The following CCDC7 variants were observed in gnomAD, a reference collection of about 807,000 sequenced individuals.
CCDC7 encodes the protein coiled-coil domain containing 7.
In CCDC7, 183 loss-of-function variants were observed where a neutral mutation model predicts 196.9. The ratio of observed to expected loss-of-function variants is 0.93; its 90% confidence interval spans 0.82 to 1.05. CCDC7 has a LOEUF of 1.05. Ranked by LOEUF, CCDC7 falls within the 50% of genes least tolerant of loss-of-function variation. The pLI, the probability that CCDC7 is intolerant of heterozygous loss-of-function variation, is 0.00. For missense variants in CCDC7, 1,540 were observed against 1,482.2 expected (o/e 1.04, Z -0.64); for synonymous variants, 525 against 484.6 (o/e 1.08, Z -1.10).
chr10:32,637,066 T>C (rs1276003034), intron 20 of CCDC7, among the ~76,000 whole-genome samples: 2 of 152,240 alleles, frequency 1.3e-5, no homozygotes, highest in Non-Finnish European at 2.9e-5. Context: ...GCCCACTTTT[T>C]GATGGGGTTG....
At chr10:32,744,371 G>C (rs1350725998) in intron 28 of CCDC7, among the ~76,000 whole-genome samples, 3 of 146,268 alleles carry the variant, frequency 2.1e-5, no homozygotes, top group Non-Finnish European at 4.5e-5. Flanking sequence ...TTTCCTGCTG[G>C]TGAAAAAAAA....
intron 28 of CCDC7, among the ~76,000 whole-genome samples, chr10:32,760,052 C>G (rs557550868): frequency 6.6e-6 from 1 of 150,878 alleles, no homozygotes; most frequent in East Asian, 1.9e-4. Context: ...GAGATACCAT[C>G]TCACACCAGT....
chr10:32,846,872 T>G (rs1565694174), intron 37 of CCDC7, among the ~76,000 whole-genome samples: 1 of 152,204 alleles, frequency 6.6e-6, no homozygotes, highest in African/African-American at 2.4e-5. Flanking sequence ...TTCCTTCTAT[T>G]TGATAAAAAT....
chr10:32,738,178 G>A (rs939766301), intron 28 of CCDC7, among the ~76,000 whole-genome samples: 3 of 151,812 alleles, frequency 2.0e-5, no homozygotes, highest in Non-Finnish European at 2.9e-5. Context: ...CCTTTCTCAG[G>A]ATATCAATTA....
At chr10:32,859,294 T>G (rs1354558695) in intron 41 of CCDC7, among the ~76,000 whole-genome samples, 1 of 152,110 alleles carries the variant, frequency 6.6e-6, no homozygotes, top group African/African-American at 2.4e-5. Context: ...ACATGGAAAC[T>G]GAACAACCTG....
chr10:32,828,546 GAAGAAGAAGAAGAAA>G (rs1386209017), intron 32 of CCDC7, among the ~76,000 whole-genome samples: 4 of 147,392 alleles, frequency 2.7e-5, no homozygotes, highest in African/African-American at 1.0e-4. Context: ...AGAAGAAGAA[GAAGAAGAAGAAGAAA>G]GAAGAAGAAG....
chr10:32,687,349 A>G (rs1475011618), intron 22 of CCDC7, among the ~76,000 whole-genome samples: 1 of 152,228 alleles, frequency 6.6e-6, no homozygotes, highest in Non-Finnish European at 1.5e-5. Context: ...AGTCTTCCAC[A>G]TGCTTCACTA....
chr10:32,471,300 A>G (rs1217229876), intron 6 of CCDC7, 70 bp downstream of exon 7: 2 of 1,528,122 alleles, frequency 1.3e-6, no homozygotes, highest in African/African-American at 1.4e-5. Flanking sequence ...ACTGAATGTA[A>G]GATAATGGGT....
chr10:32,829,158 A>T (rs1000135124), intron 32 of CCDC7, among the ~76,000 whole-genome samples: 2 of 152,174 alleles, frequency 1.3e-5, no homozygotes, highest in African/African-American at 4.8e-5. Flanking sequence ...TCTTAGTATT[A>T]CCATGCCCTG....
intron 11 of CCDC7, among the ~76,000 whole-genome samples, chr10:32,542,255 A>G (rs2051572927): frequency 1.3e-5 from 2 of 152,238 alleles, no homozygotes; most frequent in Non-Finnish European, 2.9e-5. Flanking sequence ...TTGAAATGCA[A>G]ACTTGTTCCA....
intron 21 of CCDC7, among the ~76,000 whole-genome samples, chr10:32,676,938 C>T (rs1251954819): frequency 2.0e-5 from 3 of 152,108 alleles, no homozygotes; most frequent in Non-Finnish European, 4.4e-5. Context: ...TATTGCGGCA[C>T]TATTCACAAT....
intron 29 of CCDC7, among the ~76,000 whole-genome samples, chr10:32,790,648 C>A (rs899657298): frequency 2.0e-5 from 3 of 152,200 alleles, no homozygotes; most frequent in African/African-American, 7.2e-5. Flanking sequence ...GTGCCCTTCT[C>A]CCTAGGGCCT....
chr10:32,729,800 C>T (rs2083651842), intron 28 of CCDC7, among the ~76,000 whole-genome samples: 1 of 152,018 alleles, frequency 6.6e-6, no homozygotes, highest in African/African-American at 2.4e-5. Context: ...AAAGGATTCA[C>T]TTCATCATTT....
At chr10:32,471,454 G>T (rs1029231114) in intron 6 of CCDC7, among the ~76,000 whole-genome samples, 1 of 152,118 alleles carries the variant, frequency 6.6e-6, no homozygotes, top group Non-Finnish European at 1.5e-5. Flanking sequence ...TAGAAAATCA[G>T]TTTCTTAGTC....
chr10:32,458,298 A>G (rs866698650), intron 3 of CCDC7, among the ~76,000 whole-genome samples: 8 of 151,754 alleles, frequency 5.3e-5, no homozygotes, highest in African/African-American at 1.9e-4. Flanking sequence ...CTTTTTCCCA[A>G]TGTTCTTGGT....
At chr10:32,874,710 TATAA>T (rs1441565519) in intron 41 of CCDC7, among the ~76,000 whole-genome samples, 4 of 150,652 alleles carry the variant, frequency 2.7e-5, no homozygotes, top group African/African-American at 9.7e-5. Flanking sequence ...TATGTGCATA[TATAA>T]ATAAAACTTT....
chr10:32,500,368 G>C (rs2043760341), intron 9 of CCDC7, among the ~76,000 whole-genome samples: 1 of 151,854 alleles, frequency 6.6e-6, no homozygotes, highest in African/African-American at 2.4e-5. Context: ...CCTCCCAGAT[G>C]GGGTGGTGGC....
intron 25 of CCDC7, among the ~76,000 whole-genome samples, chr10:32,715,811 G>T (rs1178473016): frequency 8.5e-5 from 13 of 152,140 alleles, no homozygotes; most frequent in Non-Finnish European, 1.8e-4. Context: ...CAAGATTGAA[G>T]ATCAACTTAA....
intron 28 of CCDC7, among the ~76,000 whole-genome samples, chr10:32,765,767 A>T (rs1210762666): frequency 6.6e-6 from 1 of 152,036 alleles, no homozygotes; most frequent in Non-Finnish European, 1.5e-5. Context: ...ATTTAAATAG[A>T]TGGTGATTCT....
Sources: gnomAD v4.1 joint callset for allele counts (sites outside exome capture counted in the v4.1 genomes callset) on GRCh38, gnomAD v4.1.1 for gene constraint, MANE v1.5 for transcripts, NCBI Gene and HGNC (gene_info 2026-07-23, HGNC 2026-07-21) for gene names.